Variants in UBR2 observed in about 807,000 individuals in gnomAD.
UBR2 encodes the protein ubiquitin protein ligase E3 component n-recognin 2, also known as E3 ubiquitin-protein ligase UBR2.
Under a neutral mutation model 247.9 loss-of-function variants are expected in UBR2, and 92 were observed. The observed-to-expected ratio is 0.37, with a 90% CI of 0.31 to 0.44. The LOEUF (loss-of-function observed/expected upper bound fraction) is 0.44, where lower values mean the gene tolerates loss of function less well. Among genes scored for constraint, UBR2 ranks in the 20% least tolerant of loss-of-function variants. The probability of loss-of-function intolerance (pLI) is 1.00; values close to 1 mark genes in which losing one functional copy is unlikely to be tolerated. For missense variants in UBR2, 1,613 were observed against 2,112.6 expected (o/e 0.76, Z 4.64); for synonymous variants, 672 against 693.5 (o/e 0.97, Z 0.49).
At chr6:42,626,614 ATGT>A (rs757906772) in intron 11 of UBR2, among the ~76,000 whole-genome samples, 4 of 152,216 alleles carry the variant, frequency 2.6e-5, no homozygotes, top group Non-Finnish European at 5.9e-5. Flanking sequence ...AAGTGTCTCC[ATGT>A]TGTTTTGACA....
In UBR2 at chr6:42,603,607, C is replaced by T; in HGVS notation, c.551C>T (p.Ser184Leu). Residue 184 changes from serine to leucine, a missense_variant, in exon 5 of 47, where the codon TCA becomes TTA. This residue lies in a region of UBR2 where 1,524 missense variants were observed against 1,967.3 expected (regional missense o/e 0.77). Transcript: ENST00000372901. The part of the protein sequence containing the change: ...EEEEDPLVHL[S>L]EDVIARTYNI... The stretch of plus-strand genomic sequence containing the variant: ...TTTCAGGATCCTCTTGTTCATTTAT[C>T]AGAAGATGTGATAGCAAGAACTTAT... 1.9e-6 allele frequency: 3 copies of T among 1,567,362 alleles called. No individual in the cohort carries two copies. Among genetic ancestry groups the T allele is most frequent in the Non-Finnish European group, 2.6e-6 (3 of 1,166,046 alleles).
At position 42,644,105 on chromosome 6, in the gene UBR2, A is replaced by C. The variant is rs779681675; in HGVS notation, c.2098-109A>C. The C allele has an allele frequency of 2.2e-4, 255 of 1,138,946 alleles. 1 individual carries two copies. Among genetic ancestry groups the C allele is most frequent in the Admixed American group, 1.3e-3 (51 of 40,702 alleles). The allele number at this position is 1,138,946 out of a possible 1,614,324, so 70.6% of individuals were successfully genotyped here. ...GATTGGTGAACCTTTTAGGATTGGT[A>C]AACTGCTTTCTCTTGGGCAAGCCAA... On this transcript the variant is annotated intron_variant, in intron 18 of 46. Transcript: ENST00000372901.
At chr6:42,615,033 A>C (rs1476706152) in intron 8 of UBR2, 38 bp from the exon 9 acceptor site, 1 of 1,528,380 alleles carries the variant, frequency 6.5e-7, no homozygotes, top group Admixed American at 1.8e-5. Flanking sequence ...TTAATATTTG[A>C]AGTTGCTATC....
At position 42,581,619 on chromosome 6, in the gene UBR2, G is replaced by T. The variant is rs554858711; in HGVS notation, c.338+7626G>T. Among the ~76,000 whole-genome samples the T allele has an allele frequency of 2.6e-5, 4 of 152,230 alleles. No homozygotes were observed. In the South Asian group the frequency reaches 8.3e-4, roughly 32 times the overall value. On this transcript the variant is annotated intron_variant, in intron 2 of 46. Transcript: ENST00000372901. ...TGTGATTACAGTTATGAGCTACTGC[G>T]CCCACCCTGGTTCTAGATCTTATAA...
chr6:42,617,515 C>A lies in UBR2; in HGVS notation c.1281+8C>A. On this transcript the variant is annotated splice_region_variant and intron_variant, in intron 11 of 46. Transcript: ENST00000372901. ...TTCACGGTTCCTTCACTTGTAAGTA[C>A]TGAAAGACTAGAAGAACTTTCTTGT... 1 of 1,550,176 alleles carries A rather than the reference C, an allele frequency of 6.5e-7. No individual in the cohort carries two copies. Among genetic ancestry groups the A allele is most frequent in the Admixed American group, 2.0e-5 (1 of 50,998 alleles).
intron 44 of UBR2, among the ~76,000 whole-genome samples, chr6:42,687,270 G>A (rs148819910): frequency 0.057 from 8,623 of 152,318 alleles, 360 homozygotes; most frequent in Non-Finnish European, 0.083. Context: ...ATCACTCGCC[G>A]TCAGGAGCTG....
At chr6:42,623,149 T>C (rs191885548) in intron 11 of UBR2, among the ~76,000 whole-genome samples, 2 of 152,356 alleles carry the variant, frequency 1.3e-5, no homozygotes, top group Admixed American at 1.3e-4. Flanking sequence ...GAAATCTTTG[T>C]CTCATATCTG....
chr6:42,580,796 C>A (rs1297368808), intron 2 of UBR2, among the ~76,000 whole-genome samples: 2 of 152,182 alleles, frequency 1.3e-5, no homozygotes, highest in African/African-American at 4.8e-5. Flanking sequence ...CCACCTCGGC[C>A]TCTCAAAGTG....
At chr6:42,640,365 G>C in intron 16 of UBR2, 95 bp downstream of exon 16, 4 of 1,001,144 alleles carry the variant, frequency 4.0e-6, no homozygotes, top group Non-Finnish European at 5.9e-6. Flanking sequence ...GGGTTCTCCA[G>C]AGGAACAGAA....
At chr6:42,666,304 A>T in intron 34 of UBR2, 59 bp downstream of exon 34, 3 of 1,414,840 alleles carry the variant, frequency 2.1e-6, no homozygotes, top group Non-Finnish European at 2.9e-6. Context: ...TGATTAAGTC[A>T]GCAGTTAGGA....
chr6:42,685,874 CAA>C (rs879583409), intron 44 of UBR2, among the ~76,000 whole-genome samples: 2 of 139,458 alleles, frequency 1.4e-5, no homozygotes. Flanking sequence ...GACCTTGTCT[CAA>C]AAAAAAAAAG....
rs1254230773 is a variant in UBR2, at chr6:42,635,501, A to G, written c.1629A>G (p.Lys543=). Reference sequence around the variant, plus strand: ...AAGCAGCCTTCACACTACAAATGAAATTAACACATGTCATTTCAATGATGC... The same window carrying G: ...AAGCAGCCTTCACACTACAAATGAAGTTAACACATGTCATTTCAATGATGC... The part of the protein sequence containing the change: ...EWEAAFTLQM[K]LTHVISMMQD... Residue 543 remains lysine (K), a synonymous_variant, in exon 14 of 47, where the codon AAA becomes AAG. Transcript: ENST00000372901. 6.2e-7 allele frequency: 1 copy of G among 1,613,618 alleles called. No individual in the cohort carries two copies. Among genetic ancestry groups the G allele is most frequent in the Non-Finnish European group, 8.5e-7 (1 of 1,179,612 alleles).
chr6:42,655,146 G>C (rs1797362426), intron 25 of UBR2, among the ~76,000 whole-genome samples: 1 of 152,078 alleles, frequency 6.6e-6, no homozygotes, highest in African/African-American at 2.4e-5. Flanking sequence ...ATAATTGTTT[G>C]TTAGAAAATA....
At chr6:42,632,521 T>A in intron 11 of UBR2, 31 bp from the exon 12 acceptor site, 1 of 1,539,074 alleles carries the variant, frequency 6.5e-7, no homozygotes, top group Non-Finnish European at 8.7e-7. Context: ...AGTTTTTGAT[T>A]ACCATGCACT....
intron 7 of UBR2, among the ~76,000 whole-genome samples, chr6:42,608,913 G>A (rs1451061341): frequency 6.6e-6 from 1 of 151,934 alleles, no homozygotes; most frequent in Non-Finnish European, 1.5e-5. Context: ...TAATTTGTAT[G>A]TTTTATGACT....
Position 42,605,787 on chromosome 6 carries a change from T to G in UBR2, c.729T>G (p.Ile243Met), listed in dbSNP as rs762315692. The G allele has an allele frequency of 6.2e-7, 1 of 1,613,298 alleles. No homozygotes were observed. Among genetic ancestry groups the G allele is most frequent in the African/African-American group, 1.3e-5 (1 of 75,034 alleles). ...NDEVHTYEQV[I>M]YTLQKAVNCT... ...AGGTTCACACCTATGAACAAGTTAT[T>G]TATACTCTTCAGAAAGCTGTTAACT... is the stretch of plus-strand genomic sequence containing the variant. Residue 243 changes from isoleucine to methionine, a missense_variant, in exon 6 of 47, where the codon ATT (isoleucine) becomes ATG (methionine). Coordinates refer to ENST00000372901, the MANE Select transcript of UBR2 (RefSeq NM_001363705.2).
chr6:42,600,663 C>A, intron 4 of UBR2, among the ~76,000 whole-genome samples: 1 of 147,044 alleles, frequency 6.8e-6, no homozygotes, highest in African/African-American at 2.5e-5. Context: ...AGTTGGTGTT[C>A]CAATATGGAA....
chr6:42,574,023 G>A (rs746772550), intron 2 of UBR2, 30 bp downstream of exon 2: 2 of 1,504,324 alleles, frequency 1.3e-6, no homozygotes, highest in South Asian at 2.7e-5. Flanking sequence ...TTTCTAGGAG[G>A]CTCTTGTTTT....
chr6:42,580,041 A>C (rs1791778343), intron 2 of UBR2, among the ~76,000 whole-genome samples: 1 of 84,866 alleles, frequency 1.2e-5, no homozygotes, highest in African/African-American at 5.4e-5. Flanking sequence ...GGAGATTTCT[A>C]GGTTTTTTTT....
Sources: allele counts gnomAD v4.1 joint callset (sites outside exome capture counted in the v4.1 genomes callset), GRCh38; gene constraint gnomAD v4.1.1; regional missense constraint gnomAD v4.1.1; transcripts MANE v1.5; gene names NCBI Gene and HGNC (gene_info 2026-07-23, HGNC 2026-07-21).